Variants in PBX1 observed in about 807,000 individuals in gnomAD.
The protein encoded by PBX1 is PBX homeobox 1, also known as pre-B-cell leukemia transcription factor 1.
Under a neutral mutation model 53.4 loss-of-function variants are expected in PBX1, and 6 were observed. That is an observed-to-expected ratio of 0.11 (90% CI 0.06 to 0.22). The LOEUF (loss-of-function observed/expected upper bound fraction) is 0.22, where lower values mean the gene tolerates loss of function less well. PBX1 is among the 10% of genes least tolerant of loss of function. PBX1 has a pLI of 1.00. For missense variants in PBX1, 251 were observed against 551.4 expected, an observed-to-expected ratio of 0.46 and a Z score of 5.46; for synonymous variants, 204 against 212.3, an observed-to-expected ratio of 0.96 and a Z score of 0.34.
chr1:164,823,586 A>C (rs533394674), intron 8 of PBX1, among the ~76,000 whole-genome samples: 2 of 114,798 alleles, frequency 1.7e-5, no homozygotes, highest in Non-Finnish European at 3.3e-5. Context: ...GCAGCATAGA[A>C]GAGAGAGAGC....
intron 2 of PBX1, among the ~76,000 whole-genome samples, chr1:164,651,697 A>T (rs1282459991): frequency 6.6e-6 from 1 of 152,130 alleles, no homozygotes; most frequent in African/African-American, 2.4e-5. Context: ...AGGAGCCCAC[A>T]AATGGGTGAC....
intron 8 of PBX1, among the ~76,000 whole-genome samples, chr1:164,837,096 G>A (rs1571503327): frequency 6.6e-6 from 1 of 152,150 alleles, no homozygotes; most frequent in East Asian, 1.9e-4. Context: ...AGCTTCCTGT[G>A]TGATGGTAAA....
chr1:164,796,792 T>C (rs1335582934), intron 3 of PBX1, among the ~76,000 whole-genome samples: 1 of 152,220 alleles, frequency 6.6e-6, no homozygotes, highest in African/African-American at 2.4e-5. Context: ...CTATTGTTTT[T>C]TATGACAGCC....
At chr1:164,810,274 C>T (rs371854404) in intron 5 of PBX1, among the ~76,000 whole-genome samples, 48 of 152,156 alleles carry the variant, frequency 3.2e-4, no homozygotes, top group Non-Finnish European at 2.1e-4. Context: ...TAGTGCCTAA[C>T]GCGTATTAGG....
At chr1:164,809,576 G>A (rs961549630) in intron 5 of PBX1, among the ~76,000 whole-genome samples, 5 of 152,116 alleles carry the variant, frequency 3.3e-5, no homozygotes, top group Admixed American at 2.6e-4. Context: ...GATCTTAGTT[G>A]CCCCATTTAC....
At chr1:164,626,884 T>C (rs1658084737) in intron 2 of PBX1, among the ~76,000 whole-genome samples, 1 of 152,190 alleles carries the variant, frequency 6.6e-6, no homozygotes, top group African/African-American at 2.4e-5. Context: ...AGGTGGGGAA[T>C]CTTTACAGTT....
chr1:164,776,974 AGAGAGGAGGTG>A, intron 2 of PBX1, among the ~76,000 whole-genome samples: 1 of 77,852 alleles, frequency 1.3e-5, no homozygotes, highest in African/African-American at 7.0e-5. Flanking sequence ...AGAGAGAGAG[AGAGAGGAGGTG>A]TGGGGGGGCG....
At chr1:164,710,994 G>A (rs1663733201) in intron 2 of PBX1, among the ~76,000 whole-genome samples, 1 of 152,186 alleles carries the variant, frequency 6.6e-6, no homozygotes, top group African/African-American at 2.4e-5. Flanking sequence ...GCAACACAGA[G>A]TGCATCTGCT....
At chr1:164,686,047 GGCAATCAAT>G (rs1323693592) in intron 2 of PBX1, among the ~76,000 whole-genome samples, 4 of 152,138 alleles carry the variant, frequency 2.6e-5, no homozygotes, top group African/African-American at 9.7e-5. Context: ...TGATGACATT[GGCAATCAAT>G]GCTGCTGAAT....
At chr1:164,564,968 A>G (rs1032637411) in intron 2 of PBX1, among the ~76,000 whole-genome samples, 1 of 152,138 alleles carries the variant, frequency 6.6e-6, no homozygotes, top group African/African-American at 2.4e-5. Flanking sequence ...TAGAATCAAA[A>G]TATAAAAGCA....
At chr1:164,681,657 A>G (rs932123524) in intron 2 of PBX1, among the ~76,000 whole-genome samples, 1 of 152,144 alleles carries the variant, frequency 6.6e-6, no homozygotes, top group Admixed American at 6.6e-5. Context: ...TTTAAACCCT[A>G]GACACTGGGG....
At position 164,730,126 on chromosome 1, in the gene PBX1, G is replaced by A. The variant is rs11576245; in HGVS notation, c.266-62368G>A. 2.2e-3 allele frequency among the ~76,000 whole-genome samples: 332 copies of A among 152,378 alleles called. 1 individual carries two copies. Among genetic ancestry groups the A allele is most frequent in the Non-Finnish European group, 3.4e-3 (230 of 68,044 alleles). ...GTGAGAGTAGCAGAAGGCAATGGAAGTTAGGGATGGCAGGTGGATCAGCTG... is the reference window on the plus strand; with the variant it reads ...GTGAGAGTAGCAGAAGGCAATGGAAATTAGGGATGGCAGGTGGATCAGCTG... On this transcript the variant is annotated intron_variant, in intron 2 of 8. Transcript: ENST00000420696.
At chr1:164,686,673 A>C (rs1256840037) in intron 2 of PBX1, among the ~76,000 whole-genome samples, 2 of 152,210 alleles carry the variant, frequency 1.3e-5, no homozygotes, top group Admixed American at 1.3e-4. Flanking sequence ...GGTCAGGTAC[A>C]TCTTCAGCCA....
chr1:164,761,282 A>T (rs1465340980), intron 2 of PBX1, among the ~76,000 whole-genome samples: 3 of 152,276 alleles, frequency 2.0e-5, no homozygotes, highest in African/African-American at 7.2e-5. Context: ...ATGCAAATTT[A>T]TGAGTATAAT....
At chr1:164,807,811 G>GCTTACCTTGATATTT in intron 5 of PBX1, 134 bp downstream of exon 5, 9 of 1,013,092 alleles carry the variant, frequency 8.9e-6, no homozygotes, top group African/African-American at 1.6e-5. Context: ...AAATATCAAG[G>GCTTACCTTGATATTT]TAAGCACTTG....
chr1:164,582,879 T>C (rs889149315), intron 2 of PBX1, among the ~76,000 whole-genome samples: 4 of 152,232 alleles, frequency 2.6e-5, no homozygotes, highest in African/African-American at 9.6e-5. Flanking sequence ...TACTATGTAA[T>C]TCTCTTGTTA....
In PBX1 at chr1:164,847,072, C is replaced by T. The variant is rs1421653911; in HGVS notation, c.*396C>T. On this transcript the variant is annotated 3_prime_UTR_variant, in exon 9 of 9. Transcript: ENST00000420696. ...AATAATAAAAGTGTTTGTACGTTTT[C>T]ATGCTGGTGGTTTGAGGAGCCAAAT... 7.3e-6 allele frequency: 8 copies of T among 1,102,440 alleles called. No homozygotes were observed. The highest frequency in any genetic ancestry group is 7.9e-5 in the South Asian group (2 of 25,236). 68.3% of individuals were successfully genotyped at this position (1,102,440 alleles called of 1,614,324 possible).
intron 2 of PBX1, among the ~76,000 whole-genome samples, chr1:164,579,781 G>A (rs770209780): frequency 3.3e-5 from 5 of 152,128 alleles, no homozygotes; most frequent in Admixed American, 6.5e-5. Context: ...CAGAAGTGAT[G>A]TTTCATACTT....
chr1:164,642,796 C>G (rs1458401743), intron 2 of PBX1: 1 of 152,166 alleles, frequency 6.6e-6, no homozygotes, highest in Admixed American at 6.5e-5. Context: ...TCTCTGCTCT[C>G]TGCTTGGACT....
Sources: gnomAD v4.1 joint callset for allele counts (sites outside exome capture counted in the v4.1 genomes callset) on GRCh38, gnomAD v4.1.1 for gene constraint, MANE v1.5 for transcripts, NCBI Gene and HGNC (gene_info 2026-07-23, HGNC 2026-07-21) for gene names.